The following KIAA0586 variants were observed in gnomAD, a reference collection of about 807,000 sequenced individuals.
The protein encoded by KIAA0586 is protein TALPID3.
In KIAA0586, 144 loss-of-function variants were observed where a neutral mutation model predicts 169.8. That is an observed-to-expected ratio of 0.85 (90% CI 0.74 to 0.97). The LOEUF (loss-of-function observed/expected upper bound fraction) is 0.97, where lower values mean the gene tolerates loss of function less well. Among genes scored for constraint, KIAA0586 ranks in the 50% least tolerant of loss-of-function variants. The probability of loss-of-function intolerance (pLI) is 0.00; values close to 1 mark genes in which losing one functional copy is unlikely to be tolerated. For missense variants in KIAA0586, 1,854 were observed against 1,823.0 expected, an observed-to-expected ratio of 1.02 and a Z score of -0.31; for synonymous variants, 625 against 612.4, an observed-to-expected ratio of 1.02 and a Z score of -0.30.
chr14:58,538,070 C>G (rs1566957234), intron 29 of KIAA0586, among the ~76,000 whole-genome samples: 1 of 152,152 alleles, frequency 6.6e-6, no homozygotes, highest in Non-Finnish European at 1.5e-5. Flanking sequence ...ATGGCAGGAT[C>G]CCTTGAGCCC....
the KIAA0586 span, among the ~76,000 whole-genome samples, chr14:58,561,054 T>A: frequency 6.6e-6 from 1 of 152,216 alleles, no homozygotes; most frequent in Non-Finnish European, 1.5e-5. Flanking sequence ...AGGGCTTATA[T>A]AGGAGTGATG....
Position 58,428,206 on chromosome 14 carries a change from A to G in KIAA0586, c.-59A>G, listed in dbSNP as rs750813269. 4 of 1,561,414 alleles carry G rather than the reference A, an allele frequency of 2.6e-6. No homozygotes were observed. Among genetic ancestry groups the G allele is most frequent in the African/African-American group, 1.4e-5 (1 of 73,082 alleles). ...GGTGAAAATTTTGTTCTGAAGTCTT[A>G]AGGAAACAGAGAAAGTTTTTCCGTC... is the stretch of plus-strand genomic sequence containing the variant. On this transcript the variant is annotated 5_prime_UTR_variant, in exon 1 of 31. Coordinates refer to ENST00000652326, the MANE Select transcript of KIAA0586 (RefSeq NM_001329943.3).
intron 26 of KIAA0586, among the ~76,000 whole-genome samples, chr14:58,494,146 T>C (rs2043001982): frequency 6.6e-6 from 1 of 151,874 alleles, no homozygotes; most frequent in African/African-American, 2.4e-5. Context: ...TCTCTAGAAC[T>C]CTTATTTCCA....
chr14:58,451,757 C>T (rs1012619950), intron 8 of KIAA0586, among the ~76,000 whole-genome samples: 1 of 152,086 alleles, frequency 6.6e-6, no homozygotes, highest in Non-Finnish European at 1.5e-5. Flanking sequence ...CATCTCAGCT[C>T]ACTGCAACCT....
At chr14:58,531,966 A>G (rs2045997598) in intron 29 of KIAA0586, among the ~76,000 whole-genome samples, 1 of 152,092 alleles carries the variant, frequency 6.6e-6, no homozygotes, top group Non-Finnish European at 1.5e-5. Context: ...GTTCTCACTC[A>G]TAAGTGGGAG....
intron 28 of KIAA0586, among the ~76,000 whole-genome samples, chr14:58,512,315 G>C (rs2044446606): frequency 6.6e-6 from 1 of 151,520 alleles, no homozygotes; most frequent in Admixed American, 6.6e-5. Context: ...TCTTTTTAAA[G>C]GTTTTTTTTT....
chr14:58,465,615 G>A (rs2040693795), intron 14 of KIAA0586, among the ~76,000 whole-genome samples: 1 of 152,150 alleles, frequency 6.6e-6, no homozygotes, highest in African/African-American at 2.4e-5. Context: ...GCAGAACTGA[G>A]TCATTACAGC....
downstream of KIAA0586, chr14:58,551,392 TAACTC>T (rs958833568): frequency 6.6e-6 from 1 of 152,208 alleles, no homozygotes; most frequent in African/African-American, 2.4e-5. Flanking sequence ...GTTTTTCTAT[TAACTC>T]AAAACATTTT....
intron 19 of KIAA0586, among the ~76,000 whole-genome samples, chr14:58,475,828 A>G (rs1000053862): frequency 1.3e-5 from 2 of 152,188 alleles, no homozygotes; most frequent in African/African-American, 4.8e-5. Context: ...CAGCTAGCAC[A>G]GTGGCTCATG....
intron 29 of KIAA0586, chr14:58,521,429 A>T (rs1348035710): frequency 1.2e-5 from 9 of 778,220 alleles, no homozygotes; most frequent in Non-Finnish European, 2.1e-5. Flanking sequence ...CTGTAGGTGG[A>T]GATGTACAGC....
In KIAA0586 at chr14:58,491,270, A is replaced by G. The variant is rs375375805; in HGVS notation, c.3859-874A>G. Among the ~76,000 whole-genome samples, 6 of 152,312 alleles carry G rather than the reference A, an allele frequency of 3.9e-5. 1 individual carries two copies. Among genetic ancestry groups the G allele is most frequent in the Admixed American group, 6.5e-5 (1 of 15,288 alleles). On this transcript the variant is annotated intron_variant, in intron 25 of 30. Transcript: ENST00000652326. ...TTTCTCTTTTTCTACATTTGAAACT[A>G]AATTCTAATGTTGATATTTTTACTA... is the stretch of plus-strand genomic sequence containing the variant.
intron 23 of KIAA0586, among the ~76,000 whole-genome samples, 198 bp downstream of exon 23, chr14:58,488,307 G>C (rs962228296): frequency 6.6e-6 from 1 of 152,062 alleles, no homozygotes; most frequent in Admixed American, 6.6e-5. Flanking sequence ...TAAAAGGTTT[G>C]AAATAGCTAG....
intron 6 of KIAA0586, among the ~76,000 whole-genome samples, chr14:58,447,423 G>T (rs1308884411): frequency 6.7e-6 from 1 of 150,232 alleles, no homozygotes; most frequent in African/African-American, 2.4e-5. Context: ...TATTAGTTAA[G>T]ATACTTGCTC....
At chr14:58,492,093 C>T in intron 25 of KIAA0586, 51 bp from the exon 26 acceptor site, 1 of 1,356,352 alleles carries the variant, frequency 7.4e-7, no homozygotes. Context: ...GAGAAAAATG[C>T]AATTGTTCGA....
At chr14:58,557,901 C>CTTTTTTTT in the KIAA0586 span, among the ~76,000 whole-genome samples, 1,980 of 42,500 alleles carry the variant, frequency 0.047, 501 homozygotes, top group Non-Finnish European at 0.061. Flanking sequence ...CCTGAGAAAT[C>CTTTTTTTT]TTTTTTTTTT....
intron 4 of KIAA0586, among the ~76,000 whole-genome samples, chr14:58,439,232 G>A (rs1222307311): frequency 1.3e-5 from 2 of 150,874 alleles, no homozygotes; most frequent in African/African-American, 2.4e-5. Flanking sequence ...TATTGCCCAC[G>A]CTGGAGTGCA....
chr14:58,458,992 A>G (rs2040102907), intron 12 of KIAA0586, among the ~76,000 whole-genome samples: 1 of 152,180 alleles, frequency 6.6e-6, no homozygotes, highest in African/African-American at 2.4e-5. Flanking sequence ...CACAATGGGC[A>G]TGGTACATCT....
At chr14:58,476,704 A>G (rs188659206) in intron 19 of KIAA0586, among the ~76,000 whole-genome samples, 352 of 126,400 alleles carry the variant, frequency 2.8e-3, no homozygotes, top group African/African-American at 0.01. Context: ...GTCTCACTCT[A>G]TTGCCTAGGC....
At chr14:58,560,976 G>T in the KIAA0586 span, among the ~76,000 whole-genome samples, 1 of 152,184 alleles carries the variant, frequency 6.6e-6, no homozygotes, top group Non-Finnish European at 1.5e-5. Context: ...AGTTCCCAAA[G>T]AATTAACAGC....
Sources: gnomAD v4.1 joint callset for allele counts (sites outside exome capture counted in the v4.1 genomes callset) on GRCh38, gnomAD v4.1.1 for gene constraint, MANE v1.5 for transcripts, NCBI Gene and HGNC (gene_info 2026-07-23, HGNC 2026-07-21) for gene names.